EXOC4: variants seen among roughly 807,000 people sequenced by gnomAD.
The protein encoded by EXOC4 is exocyst complex component 4.
EXOC4 carries 71 observed loss-of-function variants against 107.2 expected under a neutral mutation model. The ratio of observed to expected loss-of-function variants is 0.66; its 90% CI spans 0.55 to 0.81. The LOEUF (loss-of-function observed/expected upper bound fraction) is 0.81, where lower values mean the gene tolerates loss of function less well. EXOC4 is among the 30% of genes least tolerant of loss of function. EXOC4 has a pLI of 0.00. For synonymous variants in EXOC4, 456 were observed against 441.2 expected (o/e 1.03, Z -0.42); for missense variants, 1,108 against 1,189.6 (o/e 0.93, Z 1.01).
chr7:134,074,290 A>T, the EXOC4 span, among the ~76,000 whole-genome samples: 1 of 152,192 alleles, frequency 6.6e-6, no homozygotes, highest in East Asian at 1.9e-4. Flanking sequence ...CTGAGTGAAG[A>T]TAAGTTTTCT....
chr7:133,270,659 C>T (rs1057364999), intron 1 of EXOC4, among the ~76,000 whole-genome samples: 1 of 152,064 alleles, frequency 6.6e-6, no homozygotes, highest in Non-Finnish European at 1.5e-5. Context: ...TAATGGAAGG[C>T]TTTATAATAA....
At chr7:133,443,284 G>T (rs540925488) in intron 7 of EXOC4, among the ~76,000 whole-genome samples, 7 of 152,140 alleles carry the variant, frequency 4.6e-5, no homozygotes, top group Non-Finnish European at 8.8e-5. Context: ...GTTCCGAGGA[G>T]ACCCTAGCAG....
At chr7:134,002,718 T>C (rs1485969728) in intron 15 of EXOC4, among the ~76,000 whole-genome samples, 1 of 152,154 alleles carries the variant, frequency 6.6e-6, no homozygotes, top group East Asian at 1.9e-4. Flanking sequence ...GAGAATATGC[T>C]CAACATCATT....
chr7:133,976,077 G>T (rs139102187), intron 14 of EXOC4, among the ~76,000 whole-genome samples: 2,186 of 152,204 alleles, frequency 0.014, 15 homozygotes, highest in Non-Finnish European at 0.021. Flanking sequence ...AAATGTCCGG[G>T]GGGCCTGCAG....
At chr7:133,923,231 A>C (rs942151282) in intron 13 of EXOC4, among the ~76,000 whole-genome samples, 1 of 150,072 alleles carries the variant, frequency 6.7e-6, no homozygotes, top group Non-Finnish European at 1.5e-5. Flanking sequence ...TGGTTTCAAG[A>C]GATTCTCCTG....
At chr7:133,307,522 G>A (rs1794780110) in intron 4 of EXOC4, among the ~76,000 whole-genome samples, 2 of 152,232 alleles carry the variant, frequency 1.3e-5, no homozygotes, top group Non-Finnish European at 2.9e-5. Flanking sequence ...GGTCTCAGAG[G>A]AAGAACATTT....
At chr7:133,753,689 T>C (rs1795840283) in intron 10 of EXOC4, among the ~76,000 whole-genome samples, 1 of 152,158 alleles carries the variant, frequency 6.6e-6, no homozygotes, top group African/African-American at 2.4e-5. Flanking sequence ...AAGCATAGAA[T>C]TGGAAAGAAT....
chr7:133,350,889 C>T (rs3886462), intron 5 of EXOC4, among the ~76,000 whole-genome samples: 47,482 of 151,786 alleles, frequency 0.31, 8,561 homozygotes, highest in African/African-American at 0.5. Context: ...GCAACAATTT[C>T]ATAGCTTTCA....
intron 7 of EXOC4, among the ~76,000 whole-genome samples, chr7:133,468,130 A>C (rs1798777519): frequency 6.6e-6 from 1 of 152,186 alleles, no homozygotes; most frequent in South Asian, 2.1e-4. Context: ...AAAGAAAAAA[A>C]ATCATGAGTA....
chr7:133,589,936 T>C (rs1293978289), intron 9 of EXOC4, among the ~76,000 whole-genome samples: 2 of 152,294 alleles, frequency 1.3e-5, no homozygotes, highest in East Asian at 3.9e-4. Flanking sequence ...AGTTATTGTC[T>C]CACGACCAGA....
chr7:133,963,508 G>A (rs1378569478), intron 14 of EXOC4, among the ~76,000 whole-genome samples: 2 of 152,190 alleles, frequency 1.3e-5, no homozygotes, highest in Admixed American at 1.3e-4. Context: ...TTCTGACAAG[G>A]CAAGGAGTGA....
intron 10 of EXOC4, among the ~76,000 whole-genome samples, chr7:133,746,791 G>C (rs1795686338): frequency 1.3e-5 from 2 of 152,172 alleles, no homozygotes; most frequent in African/African-American, 4.8e-5. Flanking sequence ...CAAAGCCAGA[G>C]ATGCAGCCCA....
intron 9 of EXOC4, among the ~76,000 whole-genome samples, chr7:133,525,708 G>A (rs957066186): frequency 2.6e-5 from 4 of 152,150 alleles, no homozygotes; most frequent in African/African-American, 9.7e-5. Flanking sequence ...GTAGTTATGA[G>A]TATAGGTGTA....
At chr7:133,752,507 C>T (rs1795815665) in intron 10 of EXOC4, among the ~76,000 whole-genome samples, 1 of 152,136 alleles carries the variant, frequency 6.6e-6, no homozygotes, top group Non-Finnish European at 1.5e-5. Flanking sequence ...TCAGGATATG[C>T]ATTGAGCATT....
At chr7:133,747,808 A>G (rs909880194) in intron 10 of EXOC4, among the ~76,000 whole-genome samples, 6 of 152,188 alleles carry the variant, frequency 3.9e-5, no homozygotes, top group African/African-American at 1.2e-4. Flanking sequence ...CCACGCCAAC[A>G]TAACTGCTCC....
In EXOC4 at chr7:133,678,645, G is replaced by T. The variant is rs903253426; in HGVS notation, c.1514+48504G>T. Among the ~76,000 whole-genome samples the T allele has an allele frequency of 3.3e-5, 5 of 149,608 alleles. No individual in the cohort carries two copies. The South Asian group carries it at 1.1e-3, about 32-fold the overall frequency. On this transcript the variant is annotated intron_variant, in intron 10 of 17. Transcript: ENST00000253861. The stretch of plus-strand genomic sequence containing the variant: ...TTCTTTGTTGAGACAGGTTCTTGCT[G>T]TGTTGCCCAGGCTGGAGTACAGTGG...
chr7:133,451,299 C>A (rs1249337546), intron 7 of EXOC4, among the ~76,000 whole-genome samples: 1 of 151,530 alleles, frequency 6.6e-6, no homozygotes, highest in African/African-American at 2.4e-5. Context: ...TATTACCAGA[C>A]AAATATCATT....
chr7:133,278,838 CTTTAAG>C (rs1010213505), intron 2 of EXOC4, among the ~76,000 whole-genome samples: 1 of 151,958 alleles, frequency 6.6e-6, no homozygotes, highest in Non-Finnish European at 1.5e-5. Flanking sequence ...TATTATTATA[CTTTAAG>C]TTTTAGGGTA....
intron 9 of EXOC4, among the ~76,000 whole-genome samples, chr7:133,598,592 A>C (rs1472143164): frequency 6.6e-6 from 1 of 152,222 alleles, no homozygotes; most frequent in Admixed American, 6.5e-5. Flanking sequence ...AGGGTATGTG[A>C]GTCTACTTTT....
Sources: gnomAD v4.1 joint callset for allele counts (sites outside exome capture counted in the v4.1 genomes callset) on GRCh38, gnomAD v4.1.1 for gene constraint, MANE v1.5 for transcripts, NCBI Gene and HGNC (gene_info 2026-07-23, HGNC 2026-07-21) for gene names.